Variants in CNTN5 observed in about 807,000 individuals in gnomAD.
The protein encoded by CNTN5 is contactin 5.
Under a neutral mutation model 129.1 loss-of-function variants are expected in CNTN5, and 77 were observed. The observed-to-expected ratio is 0.60, with a 90% CI of 0.50 to 0.72. The LOEUF is 0.72. Among genes scored for constraint, CNTN5 ranks in the 30% least tolerant of loss-of-function variants. The probability of loss-of-function intolerance (pLI) is 0.00; values close to 1 mark genes in which losing one functional copy is unlikely to be tolerated. For missense variants in CNTN5, 1,478 were observed against 1,328.8 expected (o/e 1.11, Z -1.75); for synonymous variants, 509 against 465.6 (o/e 1.09, Z -1.20).
chr11:99,941,848 A>T (rs980867831), intron 7 of CNTN5, among the ~76,000 whole-genome samples: 3 of 152,128 alleles, frequency 2.0e-5, no homozygotes, highest in African/African-American at 7.2e-5. Context: ...GTTGTAGTTA[A>T]AAAGAGTCAG....
chr11:100,328,121 C>G (rs1170128240), intron 21 of CNTN5, among the ~76,000 whole-genome samples: 1 of 151,982 alleles, frequency 6.6e-6, no homozygotes, highest in South Asian at 2.1e-4. Context: ...GAGGCCAAGG[C>G]AGTAGGACCG....
At chr11:100,185,170 A>G (rs746409589) in intron 13 of CNTN5, among the ~76,000 whole-genome samples, 42 of 152,076 alleles carry the variant, frequency 2.8e-4, no homozygotes, top group Non-Finnish European at 5.0e-4. Flanking sequence ...CAGTGTGAAA[A>G]TTGTCTCATA....
chr11:99,861,168 AG>A (rs752463701), intron 6 of CNTN5, among the ~76,000 whole-genome samples: 3 of 151,994 alleles, frequency 2.0e-5, no homozygotes, highest in Non-Finnish European at 4.4e-5. Context: ...TGTATTAGCC[AG>A]GATGGTCTCA....
At chr11:99,962,727 C>T (rs916113839) in intron 8 of CNTN5, among the ~76,000 whole-genome samples, 1 of 151,318 alleles carries the variant, frequency 6.6e-6, no homozygotes, top group African/African-American at 2.4e-5. Context: ...CCTGAGGAAT[C>T]GCCACACTGA....
intron 3 of CNTN5, among the ~76,000 whole-genome samples, chr11:99,623,761 A>G (rs976239305): frequency 2.7e-5 from 4 of 150,056 alleles, no homozygotes; most frequent in Admixed American, 6.7e-5. Flanking sequence ...AAAAAAAAAG[A>G]TAAAAGCTGT....
intron 1 of CNTN5, among the ~76,000 whole-genome samples, chr11:99,176,277 C>T (rs929098710): frequency 1.3e-5 from 2 of 151,934 alleles, no homozygotes; most frequent in African/African-American, 4.8e-5. Flanking sequence ...ACATTGAAGA[C>T]TTTCAGTGCT....
At chr11:99,718,125 C>A (rs138145976) in intron 3 of CNTN5, among the ~76,000 whole-genome samples, 116 of 152,200 alleles carry the variant, frequency 7.6e-4, no homozygotes, top group Non-Finnish European at 1.4e-3. Flanking sequence ...TAATTGGAAC[C>A]TTACACATCT....
chr11:99,580,808 G>T (rs1949554931), intron 3 of CNTN5, among the ~76,000 whole-genome samples: 1 of 120,554 alleles, frequency 8.3e-6, no homozygotes. Context: ...TTTTTTCAAG[G>T]GTTTTTTTGT....
intron 1 of CNTN5, among the ~76,000 whole-genome samples, chr11:99,219,277 G>A (rs1487562931): frequency 1.3e-5 from 2 of 151,794 alleles, no homozygotes; most frequent in Non-Finnish European, 1.5e-5. Context: ...ATATTAAATA[G>A]TATACTATAT....
chr11:100,314,232 T>A (rs1296116783), intron 21 of CNTN5, among the ~76,000 whole-genome samples: 1 of 152,122 alleles, frequency 6.6e-6, no homozygotes, highest in African/African-American at 2.4e-5. Context: ...CCAGTGTTGG[T>A]ATCAGAAATG....
In CNTN5 at chr11:100,146,803, A is replaced by C. The variant is rs1303083957; in HGVS notation, c.1581-44323A>C. ...TAAATGATTAGGCAAGGTGACTTTT[A>C]AATGTTGTGAACAATGCATGAACAT... On this transcript the variant is annotated intron_variant, in intron 13 of 24. Transcript: ENST00000524871. 3.9e-5 allele frequency among the ~76,000 whole-genome samples: 6 copies of C among 152,304 alleles called. No individual in the cohort carries two copies. The East Asian group carries it at 1.2e-3, about 29-fold the overall frequency.
At chr11:99,132,141 A>G (rs1858972481) in intron 1 of CNTN5, among the ~76,000 whole-genome samples, 2 of 152,098 alleles carry the variant, frequency 1.3e-5, no homozygotes, top group Admixed American at 1.3e-4. Context: ...AGAACTAAAG[A>G]CGAAAACCAT....
chr11:100,054,142 G>C (rs1943098639), intron 9 of CNTN5, among the ~76,000 whole-genome samples: 1 of 151,624 alleles, frequency 6.6e-6, no homozygotes, highest in Non-Finnish European at 1.5e-5. Context: ...TTGTTCTCAT[G>C]GTAAAGGCAA....
intron 6 of CNTN5, among the ~76,000 whole-genome samples, chr11:99,861,811 A>G (rs998601972): frequency 6.6e-6 from 1 of 152,204 alleles, no homozygotes; most frequent in African/African-American, 2.4e-5. Context: ...TTTAGAAATT[A>G]GGGATATTCA....
intron 1 of CNTN5, among the ~76,000 whole-genome samples, chr11:99,136,141 C>CAGG (rs1859206655): frequency 2.0e-5 from 3 of 152,016 alleles, no homozygotes; most frequent in Admixed American, 2.0e-4. Flanking sequence ...ATACTCTTAC[C>CAGG]TGGCCATTCT....
At chr11:99,735,259 C>T (rs1399159524) in intron 3 of CNTN5, among the ~76,000 whole-genome samples, 4 of 152,200 alleles carry the variant, frequency 2.6e-5, no homozygotes, top group Non-Finnish European at 4.4e-5. Flanking sequence ...ATTCACCTTC[C>T]TGTAAAACAT....
At chr11:99,251,545 A>C (rs1454681567) in intron 1 of CNTN5, among the ~76,000 whole-genome samples, 2 of 151,878 alleles carry the variant, frequency 1.3e-5, no homozygotes, top group Admixed American at 1.3e-4. Context: ...AGATGGCAAC[A>C]TTTCAAGTAA....
rs80067290 is a variant in CNTN5 at position 99,446,873 on chromosome 11, C to G, written c.-70-109272C>G. Among the ~76,000 whole-genome samples the G allele has an allele frequency of 7.1e-3, 1,082 of 152,324 alleles. 21 individuals carry two copies. The highest frequency in any genetic ancestry group is 0.024 in the African/African-American group (1,010 of 41,572). On this transcript the variant is annotated intron_variant, in intron 2 of 24. Coordinates refer to ENST00000524871, the MANE Select transcript of CNTN5 (RefSeq NM_014361.4). The stretch of plus-strand genomic sequence containing the variant: ...CCTCAGTAATTTCTAGTACCCTTCC[C>G]TACTTCTTAGCCTGGCTTTCAAAGA...
chr11:100,279,037 T>C (rs1182005869), intron 18 of CNTN5, among the ~76,000 whole-genome samples: 1 of 152,020 alleles, frequency 6.6e-6, no homozygotes. Context: ...TATCAAATGC[T>C]TTTTCAACAT....
Sources: allele counts gnomAD v4.1 joint callset (sites outside exome capture counted in the v4.1 genomes callset), GRCh38; gene constraint gnomAD v4.1.1; transcripts MANE v1.5; gene names NCBI Gene and HGNC (gene_info 2026-07-23, HGNC 2026-07-21).